Variants in ZBTB20 observed in about 807,000 individuals in gnomAD.
ZBTB20 encodes zinc finger and BTB domain containing 20.
ZBTB20 carries 9 observed loss-of-function variants against 56.9 expected under a neutral mutation model. That is an observed-to-expected ratio of 0.16 (90% CI 0.10 to 0.28). The LOEUF (loss-of-function observed/expected upper bound fraction) is 0.28. Among genes scored for constraint, ZBTB20 ranks in the 10% least tolerant of loss-of-function variants. The pLI is 1.00. For synonymous variants in ZBTB20, 417 were observed against 420.7 expected (o/e 0.99, Z 0.11); for missense variants, 655 against 1,003.0 (o/e 0.65, Z 4.69).
At chr3:115,067,622 G>A (rs2082256017) in intron 2 of ZBTB20, among the ~76,000 whole-genome samples, 1 of 151,562 alleles carries the variant, frequency 6.6e-6, no homozygotes, top group African/African-American at 2.4e-5. Context: ...CTCTGATACA[G>A]AGAAATAAAA....
rs954212230 is a variant in ZBTB20 at position 114,350,750 on chromosome 3, C to T, written c.1328G>A (p.Ser443Asn). The T allele has an allele frequency of 1.9e-6, 3 of 1,614,180 alleles. No individual in the cohort carries two copies. The highest frequency in any genetic ancestry group is 2.5e-6 in the Non-Finnish European group (3 of 1,180,032). Residue 443 changes from serine to asparagine, a missense_variant, in exon 11 of 12, where the codon AGC (serine) becomes AAC (asparagine). Coordinates refer to ENST00000675478, the MANE Select transcript of ZBTB20 (RefSeq NM_001348800.3). ...GCTGTTGCTGACAGTGATAACAGTG[C>T]TGTCCATCTCCACTTCATTGCTTCT... Reference protein sequence around the residue: ...PERSNEVEMDSTVITVSNSSD... With the variant: ...PERSNEVEMDNTVITVSNSSD...
In ZBTB20 at chr3:114,318,441, A is replaced by G. The variant is rs2078773069; in HGVS notation, c.*20564T>C. The stretch of plus-strand genomic sequence containing the variant: ...GGAGGGTCTCAGAAGCAGAGGGTGA[A>G]GGAGACAGGAGGCGTGCTCTCCTCA... On this transcript the variant is annotated 3_prime_UTR_variant, in exon 12 of 12. Transcript: ENST00000675478. 1 of 152,388 alleles carries G rather than the reference A, an allele frequency of 6.6e-6. No homozygotes were observed. The highest frequency in any genetic ancestry group is 2.4e-5 in the African/African-American group (1 of 41,446). 9.4% of individuals were successfully genotyped at this position (152,388 alleles called of 1,614,324 possible).
chr3:115,125,035 A>T (rs1023832492), intron 1 of ZBTB20, among the ~76,000 whole-genome samples: 1 of 150,732 alleles, frequency 6.6e-6, no homozygotes, highest in Non-Finnish European at 1.5e-5. Context: ...GTTTTTTTTA[A>T]AAAAAAAAGG....
At chr3:114,771,821 G>GT (rs2069229697) in intron 5 of ZBTB20, among the ~76,000 whole-genome samples, 1 of 152,074 alleles carries the variant, frequency 6.6e-6, no homozygotes, top group African/African-American at 2.4e-5. Flanking sequence ...TATTTCTGGT[G>GT]TTAGAAAGTG....
intron 4 of ZBTB20, among the ~76,000 whole-genome samples, chr3:114,811,191 TG>T (rs1204262048): frequency 5.9e-5 from 9 of 152,228 alleles, no homozygotes; most frequent in Non-Finnish European, 1.2e-4. Context: ...AATACTTACT[TG>T]GATCAGGTTA....
At chr3:114,675,110 T>A (rs1296797007) in intron 6 of ZBTB20, among the ~76,000 whole-genome samples, 1 of 149,668 alleles carries the variant, frequency 6.7e-6, no homozygotes, top group Non-Finnish European at 1.5e-5. Context: ...TTTTAATTTT[T>A]AATTTTATTT....
intron 4 of ZBTB20, among the ~76,000 whole-genome samples, chr3:114,881,479 C>A (rs2076393749): frequency 6.6e-6 from 1 of 151,862 alleles, no homozygotes; most frequent in Non-Finnish European, 1.5e-5. Flanking sequence ...TTAGTATTAC[C>A]ATATGAACTG....
intron 7 of ZBTB20, among the ~76,000 whole-genome samples, chr3:114,393,202 C>A (rs1363521629): frequency 6.7e-6 from 1 of 150,268 alleles, no homozygotes; most frequent in East Asian, 1.9e-4. Flanking sequence ...CATCATAAGG[C>A]TGGACAGATT....
chr3:114,430,061 T>C (rs2090006551), intron 7 of ZBTB20, among the ~76,000 whole-genome samples: 1 of 152,186 alleles, frequency 6.6e-6, no homozygotes, highest in East Asian at 1.9e-4. Flanking sequence ...AATGATTTCC[T>C]TTGAGATGAA....
At chr3:114,513,941 G>A (rs1210241983) in intron 6 of ZBTB20, among the ~76,000 whole-genome samples, 1 of 151,592 alleles carries the variant, frequency 6.6e-6, no homozygotes, top group African/African-American at 2.4e-5. Flanking sequence ...AGAATTTAGA[G>A]AAGACATAAT....
At chr3:114,828,199 G>T (rs1019492023) in intron 4 of ZBTB20, among the ~76,000 whole-genome samples, 1 of 151,648 alleles carries the variant, frequency 6.6e-6, no homozygotes, top group African/African-American at 2.4e-5. Flanking sequence ...ATTTATATAT[G>T]TATTATTCAT....
chr3:114,987,370 A>G (rs536374819), intron 2 of ZBTB20, among the ~76,000 whole-genome samples: 1 of 152,252 alleles, frequency 6.6e-6, no homozygotes, highest in South Asian at 2.1e-4. Flanking sequence ...ACTAAGTTAC[A>G]CAATAGGGGT....
At chr3:114,693,087 T>A (rs1286167886) in intron 6 of ZBTB20, among the ~76,000 whole-genome samples, 1 of 152,158 alleles carries the variant, frequency 6.6e-6, no homozygotes, top group African/African-American at 2.4e-5. Context: ...TGGAGGGTTT[T>A]GAGTTTTTTC....
chr3:114,597,426 T>C (rs964497435), intron 6 of ZBTB20, among the ~76,000 whole-genome samples: 5 of 152,200 alleles, frequency 3.3e-5, no homozygotes, highest in Non-Finnish European at 7.4e-5. Flanking sequence ...AGGAAGCTTT[T>C]TTACTTTGAA....
intron 4 of ZBTB20, among the ~76,000 whole-genome samples, chr3:114,828,911 C>A (rs1373682113): frequency 6.6e-6 from 1 of 151,726 alleles, no homozygotes; most frequent in Non-Finnish European, 1.5e-5. Flanking sequence ...GAATAGTAGC[C>A]CTTTACAATA....
intron 10 of ZBTB20, among the ~76,000 whole-genome samples, chr3:114,379,729 C>T (rs1006085543): frequency 2.0e-5 from 3 of 152,120 alleles, no homozygotes; most frequent in Admixed American, 6.5e-5. Context: ...ATCCTTTAAC[C>T]ACTTCAAAAT....
chr3:114,738,758 G>A (rs570560281), intron 5 of ZBTB20, among the ~76,000 whole-genome samples: 284 of 152,278 alleles, frequency 1.9e-3, no homozygotes, highest in African/African-American at 6.7e-3. Context: ...CCAAACAGAT[G>A]TATTTGTATT....
intron 3 of ZBTB20, among the ~76,000 whole-genome samples, chr3:114,922,050 T>C (rs944892869): frequency 6.6e-6 from 1 of 152,070 alleles, no homozygotes; most frequent in African/African-American, 2.4e-5. Context: ...TGGTTCAACA[T>C]ACACAAATCA....
intron 10 of ZBTB20, among the ~76,000 whole-genome samples, chr3:114,364,140 A>C (rs543624950): frequency 6.6e-6 from 1 of 152,236 alleles, no homozygotes; most frequent in Non-Finnish European, 1.5e-5. Flanking sequence ...ATAAATTATC[A>C]ATATGATTTT....
Sources: allele counts gnomAD v4.1 joint callset (sites outside exome capture counted in the v4.1 genomes callset), GRCh38; gene constraint gnomAD v4.1.1; transcripts MANE v1.5; gene names NCBI Gene and HGNC (gene_info 2026-07-23, HGNC 2026-07-21).